DZIP1L: variants seen among roughly 807,000 people sequenced by gnomAD.
The protein encoded by DZIP1L is DAZ interacting zinc finger protein 1 like, also known as cilium assembly protein DZIP1L.
A neutral mutation model predicts 88.7 loss-of-function variants in DZIP1L; 90 were observed. That is an observed-to-expected ratio of 1.02 (90% confidence interval 0.86 to 1.21). DZIP1L has a LOEUF of 1.21. Ranked by LOEUF, DZIP1L falls within the 50% of genes most tolerant of loss-of-function variation. The probability of loss-of-function intolerance (pLI) is 0.00; values close to 1 mark genes in which losing one functional copy is unlikely to be tolerated. For synonymous variants in DZIP1L, 363 were observed against 372.1 expected, an observed-to-expected ratio of 0.98 and a Z score of 0.28; for missense variants, 932 against 955.8, an observed-to-expected ratio of 0.98 and a Z score of 0.33.
At chr3:138,103,241 C>T (rs2042377544) in intron 2 of DZIP1L, among the ~76,000 whole-genome samples, 2 of 151,868 alleles carry the variant, frequency 1.3e-5, no homozygotes, top group African/African-American at 4.8e-5. Context: ...GCACACCTCC[C>T]ACACATGTAC....
At chr3:138,105,080 A>G (rs939064908) in intron 1 of DZIP1L, among the ~76,000 whole-genome samples, 1 of 152,186 alleles carries the variant, frequency 6.6e-6, no homozygotes, top group Admixed American at 6.6e-5. Flanking sequence ...GCAGACTTAC[A>G]TGTACTGATA....
chr3:138,066,605 A>T (rs970329991), intron 14 of DZIP1L, among the ~76,000 whole-genome samples: 3 of 151,922 alleles, frequency 2.0e-5, no homozygotes, highest in Non-Finnish European at 4.4e-5. Context: ...GCCTTCCCTC[A>T]TCAGTGCTGT....
intron 2 of DZIP1L, among the ~76,000 whole-genome samples, chr3:138,098,115 G>A (rs951928922): frequency 6.6e-6 from 1 of 152,202 alleles, no homozygotes; most frequent in Non-Finnish European, 1.5e-5. Context: ...AGAGTGTGAT[G>A]ATGGTGTTTG....
chr3:138,064,925 G>T (rs912113557), intron 14 of DZIP1L, among the ~76,000 whole-genome samples, 158 bp from the exon 15 acceptor site: 4 of 152,190 alleles, frequency 2.6e-5, no homozygotes, highest in Non-Finnish European at 4.4e-5. Flanking sequence ...GACAGAGAAG[G>T]CCAGGCCAAC....
At chr3:138,110,318 G>A (rs1435175301) in intron 1 of DZIP1L, among the ~76,000 whole-genome samples, 1 of 152,070 alleles carries the variant, frequency 6.6e-6, no homozygotes, top group Non-Finnish European at 1.5e-5. Context: ...GAGGGCTGGG[G>A]GAGGGATAGC....
At chr3:138,084,324 C>T in intron 7 of DZIP1L, 71 bp from the exon 8 acceptor site, 2 of 1,555,132 alleles carry the variant, frequency 1.3e-6, no homozygotes, top group Admixed American at 3.7e-5. Context: ...TCTGCAGGCT[C>T]AGCACCTGTA....
chr3:138,107,677 T>A (rs542885048), intron 1 of DZIP1L, among the ~76,000 whole-genome samples: 1 of 152,300 alleles, frequency 6.6e-6, no homozygotes, highest in South Asian at 2.1e-4. Context: ...CAGATTATCA[T>A]CCTTTATCCC....
Position 138,062,440 on chromosome 3 carries a change from G to A in DZIP1L, c.*376C>T, listed in dbSNP as rs528442336. On this transcript the variant is annotated 3_prime_UTR_variant, in exon 16 of 16. Transcript: ENST00000327532. ...CTGACTGAGGCATATGTCCCCAAAA[G>A]GACCCCAGATAGGAACCATCTCCAC... 3.7e-4 allele frequency: 66 copies of A among 177,338 alleles called. No homozygotes were observed. The highest frequency in any genetic ancestry group is 1.5e-3 in the African/African-American group (66 of 42,594). 11.0% of individuals were successfully genotyped at this position (177,338 alleles called of 1,614,324 possible). A position where few individuals can be genotyped will look rare whatever the true frequency, so the allele number is the denominator to read the frequency against.
rs189060326 is a variant in DZIP1L at position 138,062,938 on chromosome 3, C to T, written c.2182G>A (p.Glu728Lys). 6.2e-7 allele frequency: 1 copy of T among 1,613,988 alleles called. No individual in the cohort carries two copies. The highest frequency in any genetic ancestry group is 1.7e-5 in the Admixed American group (1 of 60,000). Residue 728 changes from glutamate to lysine, a missense_variant, in exon 16 of 16, where the codon GAA (glutamate) becomes AAA (lysine). Glu to Lys is a moderately conservative substitution (Grantham distance 56). Coordinates refer to ENST00000327532, the MANE Select transcript of DZIP1L (RefSeq NM_173543.3). ...TGGTCCAGGTCCAGAGGAAGATCTT[C>T]CAAGGAGGAGATCTCCAAGTCACTC... Reference protein sequence around the residue: ...DESDLEISSLEDLPLDLDQRE... With the variant: ...DESDLEISSLKDLPLDLDQRE...
chr3:138,095,506 C>T (rs555008443), intron 3 of DZIP1L, among the ~76,000 whole-genome samples: 3 of 152,102 alleles, frequency 2.0e-5, no homozygotes, highest in South Asian at 2.1e-4. Flanking sequence ...TCAGGCCGGG[C>T]GCAGTGGCTC....
intron 2 of DZIP1L, among the ~76,000 whole-genome samples, chr3:138,101,225 AT>A (rs35404766): frequency 3.4e-4 from 49 of 144,856 alleles, no homozygotes; most frequent in Middle Eastern, 3.6e-3. Context: ...CACAAACACT[AT>A]TTTTTTTTTT....
chr3:138,067,469 T>A (rs1057147719), intron 14 of DZIP1L, 62 bp downstream of exon 14: 1 of 1,500,968 alleles, frequency 6.7e-7, no homozygotes, highest in Non-Finnish European at 8.9e-7. Context: ...CCTTGAGAAA[T>A]CTGGGCTGGA....
chr3:138,073,079 C>CT (rs771859615), intron 11 of DZIP1L, among the ~76,000 whole-genome samples: 4 of 152,140 alleles, frequency 2.6e-5, no homozygotes, highest in Admixed American at 2.6e-4. Flanking sequence ...GGTCTTCCTG[C>CT]ACCCGCCCTG....
At chr3:138,108,547 G>T (rs1182434212) in intron 1 of DZIP1L, among the ~76,000 whole-genome samples, 1 of 151,890 alleles carries the variant, frequency 6.6e-6, no homozygotes, top group African/African-American at 2.4e-5. Context: ...CTGCCCCCTT[G>T]ATATTCTGCT....
Position 138,063,042 on chromosome 3 carries a change from G to A in DZIP1L, c.2143-65C>T, listed in dbSNP as rs1942759966. ...AGGGAGGAGGGTGGCTGAGAGCTAA[G>A]CACATTGCAGGATGGGAATGCAGAA... On this transcript the variant is annotated intron_variant, in intron 15 of 15. Coordinates refer to ENST00000327532, the MANE Select transcript of DZIP1L (RefSeq NM_173543.3). The surrounding 1 kb of genome is among the most constrained non-coding windows in gnomAD (Gnocchi z 4.1). 6.4e-7 allele frequency: 1 copy of A among 1,560,474 alleles called. No individual in the cohort carries two copies.
rs539312568 is a variant in DZIP1L at position 138,075,191 on chromosome 3, C to T, written c.1422+2308G>A. The stretch of plus-strand genomic sequence containing the variant: ...TAGACCGAAGAAATGAGATAGACAG[C>T]AACACAATAATAGTGGGGGATTTCA... On this transcript the variant is annotated intron_variant, in intron 11 of 15. Coordinates refer to ENST00000327532, the MANE Select transcript of DZIP1L (RefSeq NM_173543.3). 2.6e-5 allele frequency among the ~76,000 whole-genome samples: 4 copies of T among 152,204 alleles called. No individual in the cohort carries two copies. The East Asian group carries it at 7.7e-4, about 29-fold the overall frequency.
chr3:138,094,886 C>A lies in DZIP1L; in HGVS notation c.684G>T (p.Glu228Asp). 2 of 1,614,250 alleles carry A rather than the reference C, an allele frequency of 1.2e-6. No homozygotes were observed. The highest frequency in any genetic ancestry group is 1.7e-6 in the Non-Finnish European group (2 of 1,180,048). The change falls in exon 4 of 16, where the codon GAG (glutamate) becomes GAT (aspartate). Residue 228 changes from glutamate (E) to aspartate (D), a missense_variant. Physicochemically the swap from Glu to Asp is conservative, Grantham distance 45. Transcript: ENST00000327532. ...CCTGGAGCTGCCGCTGCCTCTCCGC[C>A]TCCCTCTGGGCTTCCAGCTCCCCTT... ...WTQGELEAQR[E>D]AERQRQLQEA...
chr3:138,073,461 A>C (rs564290036), intron 11 of DZIP1L, among the ~76,000 whole-genome samples: 41 of 152,124 alleles, frequency 2.7e-4, no homozygotes, highest in Non-Finnish European at 5.3e-4. Context: ...CCAGAAGATC[A>C]AAAACAATCA....
chr3:138,067,557 T>C lies in DZIP1L; in HGVS notation c.1976A>G (p.Asn659Ser), dbSNP rs1340463868. The C allele has an allele frequency of 6.2e-7, 1 of 1,608,920 alleles. No individual in the cohort carries two copies. Reference sequence around the variant, plus strand: ...TGAGCCCTGGCCAGGGGGCTGGGCATTCTCCTCCGAGGTCTCTGTGTCAGA... The same window carrying C: ...TGAGCCCTGGCCAGGGGGCTGGGCACTCTCCTCCGAGGTCTCTGTGTCAGA... ...DWSDTETSEE[N>S]AQPPGQGSGT... Residue 659 changes from asparagine to serine, a missense_variant, in exon 14 of 16, where the codon AAT becomes AGT. Physicochemically the swap from Asn to Ser is conservative, Grantham distance 46. Coordinates refer to ENST00000327532, the MANE Select transcript of DZIP1L (RefSeq NM_173543.3).
Sources: allele counts gnomAD v4.1 joint callset (sites outside exome capture counted in the v4.1 genomes callset), GRCh38; gene constraint gnomAD v4.1.1; non-coding constraint Gnocchi (gnomAD v3.1); transcripts MANE v1.5; gene names NCBI Gene and HGNC (gene_info 2026-07-23, HGNC 2026-07-21).